The following CYBRD1 variants were observed in gnomAD, a reference collection of about 807,000 sequenced individuals.
The protein encoded by CYBRD1 is cytochrome b reductase 1, also known as plasma membrane ascorbate-dependent reductase CYBRD1.
In CYBRD1, 14 loss-of-function variants were observed where a neutral mutation model predicts 21.9. The observed-to-expected ratio is 0.64, with a 90% confidence interval of 0.42 to 1.00. CYBRD1 has a LOEUF of 1.00. Among genes scored for constraint, CYBRD1 ranks in the 50% least tolerant of loss-of-function variants. The pLI, the probability that CYBRD1 is intolerant of heterozygous loss-of-function variation, is 0.00. For synonymous variants in CYBRD1, 146 were observed against 136.5 expected (o/e 1.07, Z -0.48); for missense variants, 328 against 352.5 (o/e 0.93, Z 0.56).
chr2:171,536,936 CATA>C (rs1467193225), intron 1 of CYBRD1, among the ~76,000 whole-genome samples: 1 of 151,988 alleles, frequency 6.6e-6, no homozygotes, highest in Non-Finnish European at 1.5e-5. Flanking sequence ...GTGGTGTTTG[CATA>C]ATGTGATGGT....
chr2:171,546,731 C>T (rs1574442326), intron 2 of CYBRD1, among the ~76,000 whole-genome samples: 1 of 151,958 alleles, frequency 6.6e-6, no homozygotes, highest in Non-Finnish European at 1.5e-5. Flanking sequence ...TATGTGAGAG[C>T]TCTCATATAG....
intron 2 of CYBRD1, among the ~76,000 whole-genome samples, chr2:171,546,420 C>A (rs1271582467): frequency 6.6e-6 from 1 of 152,092 alleles, no homozygotes; most frequent in Non-Finnish European, 1.5e-5. Context: ...GTGGTATGCC[C>A]CTTTATGACC....
Position 171,522,628 on chromosome 2 carries a change from T to C in CYBRD1, c.83T>C (p.Leu28Pro). 1 of 1,613,134 alleles carries C rather than the reference T, an allele frequency of 6.2e-7. No individual in the cohort carries two copies. The highest frequency in any genetic ancestry group is 8.5e-7 in the Non-Finnish European group (1 of 1,179,844). The change falls in exon 1 of 4, where the codon CTC becomes CCC. Residue 28 changes from leucine to proline, a missense_variant. By Grantham distance (98) the Leu-to-Pro change is moderately conservative. Transcript: ENST00000321348. This position sits in a 1 kb window ranked among gnomAD's most constrained non-coding sequence, Gnocchi z 4.3. ...GGCTTCCTGTCGGTGATCTTCGCCC[T>C]CGTCTGGGTCCTCCACTACCGAGAG... ...LVGFLSVIFA[L>P]VWVLHYREGL...
upstream of CYBRD1, chr2:171,522,306 C>T: frequency 1.9e-6 from 3 of 1,539,372 alleles, no homozygotes; most frequent in Non-Finnish European, 2.6e-6. The surrounding 1 kb of genome is among the most constrained non-coding windows in gnomAD (Gnocchi z 4.3). Context: ...GGCCACCAGG[C>T]AATGAGCGCC....
At chr2:171,546,744 GA>G (rs1697722021) in intron 2 of CYBRD1, among the ~76,000 whole-genome samples, 1 of 152,088 alleles carries the variant, frequency 6.6e-6, no homozygotes, top group Non-Finnish European at 1.5e-5. Context: ...TCATATAGGG[GA>G]TAAAGGAAGT....
intron 2 of CYBRD1, among the ~76,000 whole-genome samples, chr2:171,545,575 G>A: frequency 7.1e-6 from 1 of 140,060 alleles, no homozygotes; most frequent in East Asian, 2.1e-4. Context: ...TTTTAGTAGA[G>A]ACGGGGTTTC....
At chr2:171,550,790 A>G (rs1697786099) in intron 2 of CYBRD1, among the ~76,000 whole-genome samples, 1 of 152,176 alleles carries the variant, frequency 6.6e-6, no homozygotes, top group Non-Finnish European at 1.5e-5. Flanking sequence ...AGAGACACAC[A>G]TGACAAATTA....
At chr2:171,530,855 T>G (rs1697454434) in intron 1 of CYBRD1, among the ~76,000 whole-genome samples, 1 of 152,148 alleles carries the variant, frequency 6.6e-6, no homozygotes, top group Non-Finnish European at 1.5e-5. Context: ...AATTTTTCCC[T>G]TAAAAGGTAG....
intron 1 of CYBRD1, among the ~76,000 whole-genome samples, chr2:171,535,851 G>A (rs1290337640): frequency 1.3e-5 from 2 of 152,018 alleles, no homozygotes; most frequent in African/African-American, 4.8e-5. Flanking sequence ...GGTTGCCCAA[G>A]CTGGTCTTGA....
At position 171,554,705 on chromosome 2, in the gene CYBRD1, G is replaced by T. The variant is rs200587251; in HGVS notation, c.739G>T (p.Gly247Cys). The T allele has an allele frequency of 8.7e-6, 14 of 1,613,904 alleles. No homozygotes were observed. Among genetic ancestry groups the T allele is most frequent in the East Asian group, 6.7e-5 (3 of 44,880 alleles). ...PNGGTEQGAR[G>C]SMPAYSGNNM... is the part of the protein sequence containing the mutation. ...TGGAGGCACTGAACAGGGAGCAAGAGGTTCCATGCCAGCCTACTCTGGCAA... is the reference window on the plus strand; with the variant it reads ...TGGAGGCACTGAACAGGGAGCAAGATGTTCCATGCCAGCCTACTCTGGCAA... The change falls in exon 4 of 4, where the codon GGT (glycine) becomes TGT (cysteine). Residue 247 changes from glycine to cysteine, a missense_variant. Coordinates refer to ENST00000321348, the MANE Select transcript of CYBRD1 (RefSeq NM_024843.4).
intron 2 of CYBRD1, among the ~76,000 whole-genome samples, chr2:171,542,051 A>G (rs1367743360): frequency 1.3e-5 from 2 of 151,404 alleles, no homozygotes; most frequent in African/African-American, 4.8e-5. Flanking sequence ...TTTAGTAGAG[A>G]TGGGGTTTCA....
intron 1 of CYBRD1, among the ~76,000 whole-genome samples, chr2:171,539,482 A>C (rs1032274448): frequency 6.6e-6 from 1 of 151,766 alleles, no homozygotes; most frequent in East Asian, 1.9e-4. Context: ...AGAAAAGAAA[A>C]GAAATATACG....
At chr2:171,529,245 A>T (rs932089356) in intron 1 of CYBRD1, among the ~76,000 whole-genome samples, 4 of 152,096 alleles carry the variant, frequency 2.6e-5, no homozygotes, top group Admixed American at 6.6e-5. Flanking sequence ...GACACGAGAA[A>T]CTGCTGCCAG....
At chr2:171,527,918 G>C (rs6743679) in intron 1 of CYBRD1, among the ~76,000 whole-genome samples, 105,366 of 151,674 alleles carry the variant, frequency 0.69, 37,282 homozygotes, top group African/African-American at 0.8. Context: ...TTCTCGAGCC[G>C]GTTCCAATTA....
At chr2:171,539,111 G>A (rs935782830) in intron 1 of CYBRD1, among the ~76,000 whole-genome samples, 5 of 152,108 alleles carry the variant, frequency 3.3e-5, no homozygotes, top group South Asian at 2.1e-4. Context: ...GAGCCACTGC[G>A]CCTGGCCTGA....
intron 2 of CYBRD1, among the ~76,000 whole-genome samples, chr2:171,550,589 A>T (rs892338574): frequency 5.9e-5 from 9 of 152,194 alleles, no homozygotes; most frequent in African/African-American, 2.2e-4. Flanking sequence ...TTATTGCAGC[A>T]TTCAGAACAC....
At chr2:171,553,105 AG>A (rs2105347620) in intron 2 of CYBRD1, among the ~76,000 whole-genome samples, 1 of 152,336 alleles carries the variant, frequency 6.6e-6, no homozygotes, top group Admixed American at 6.5e-5. Context: ...TATTCTGTTA[AG>A]GGAAAAAAGC....
chr2:171,523,780 C>G (rs1339357622), intron 1 of CYBRD1, among the ~76,000 whole-genome samples: 3 of 152,196 alleles, frequency 2.0e-5, no homozygotes, highest in Non-Finnish European at 2.9e-5. Flanking sequence ...CTGGAGGAAC[C>G]TCTAGCTTTT....
Position 171,541,676 on chromosome 2 carries a change from T to C in CYBRD1, c.285T>C (p.Ile95=), listed in dbSNP as rs753219977. 3 of 1,613,916 alleles carry C rather than the reference T, an allele frequency of 1.9e-6. No homozygotes were observed. The African/African-American group carries it at 4.0e-5, about 22-fold the overall frequency. Residue 95 remains isoleucine (I), a synonymous_variant, in exon 2 of 4, where the codon ATT becomes ATC. Transcript: ENST00000321348. ...CAGGGTTAAATGCAGTTGCTGCCAT[T>C]CTTGCAATTATCTCTGTGGTGGCCG... ...IHAGLNAVAA[I]LAIISVVAVF...
Sources: gnomAD v4.1 joint callset for allele counts (sites outside exome capture counted in the v4.1 genomes callset) on GRCh38, gnomAD v4.1.1 for gene constraint, Gnocchi (gnomAD v3.1) non-coding constraint, MANE v1.5 for transcripts, NCBI Gene and HGNC (gene_info 2026-07-23, HGNC 2026-07-21) for gene names.